Variants in KIF6 observed in about 807,000 individuals in gnomAD.
The protein encoded by KIF6 is kinesin-like protein KIF6.
A neutral mutation model predicts 112.7 loss-of-function variants in KIF6; 106 were observed. That is an observed-to-expected ratio of 0.94 (90% CI 0.80 to 1.11). The LOEUF (loss-of-function observed/expected upper bound fraction) is 1.11. KIF6 is among the 50% of genes least tolerant of loss of function. KIF6 has a pLI of 0.00. For synonymous variants in KIF6, 339 were observed against 339.9 expected, an observed-to-expected ratio of 1.00 and a Z score of 0.03; for missense variants, 929 against 964.0, an observed-to-expected ratio of 0.96 and a Z score of 0.48.
intron 10 of KIF6, among the ~76,000 whole-genome samples, chr6:39,549,410 A>C (rs1779247379): frequency 6.6e-6 from 1 of 152,226 alleles, no homozygotes; most frequent in Non-Finnish European, 1.5e-5. Flanking sequence ...ACAACCCATG[A>C]GAAAAGTGCT....
intron 13 of KIF6, among the ~76,000 whole-genome samples, chr6:39,502,699 T>C (rs1452538808): frequency 6.6e-6 from 1 of 152,196 alleles, no homozygotes; most frequent in Non-Finnish European, 1.5e-5. Context: ...GCAATCATTG[T>C]TTCTTACAAG....
chr6:39,489,149 T>C (rs1049116563), intron 13 of KIF6, among the ~76,000 whole-genome samples: 2 of 152,350 alleles, frequency 1.3e-5, no homozygotes, highest in Admixed American at 6.5e-5. Context: ...CTTTAAGCTA[T>C]CTTCTACTTT....
In KIF6 at chr6:39,465,090, C is replaced by A. The variant is rs1022635946; in HGVS notation, c.1646-33929G>T. On this transcript the variant is annotated intron_variant, in intron 13 of 22. Transcript: ENST00000287152. ...TTTATGGCACCACCAGATGTCCGTGCGTTTCTCATTTCCAGAATAGGGCAT... is the reference window on the plus strand; with the variant it reads ...TTTATGGCACCACCAGATGTCCGTGAGTTTCTCATTTCCAGAATAGGGCAT... Among the ~76,000 whole-genome samples the A allele has an allele frequency of 3.3e-5, 5 of 152,172 alleles. No individual in the cohort carries two copies. In the South Asian group the frequency reaches 8.3e-4, roughly 25 times the overall value.
At chr6:39,398,895 A>G (rs1160122580) in intron 15 of KIF6, among the ~76,000 whole-genome samples, 1 of 152,200 alleles carries the variant, frequency 6.6e-6, no homozygotes, top group African/African-American at 2.4e-5. Flanking sequence ...GGTTGCTTTT[A>G]GATGTGGTTA....
At chr6:39,619,048 C>T (rs971958223) in intron 5 of KIF6, among the ~76,000 whole-genome samples, 2 of 152,046 alleles carry the variant, frequency 1.3e-5, no homozygotes, top group East Asian at 3.9e-4. Context: ...ACAGAGTTTC[C>T]TTTTTCTGTT....
chr6:39,596,903 T>C (rs900356547), intron 6 of KIF6, among the ~76,000 whole-genome samples: 1 of 152,108 alleles, frequency 6.6e-6, no homozygotes, highest in Non-Finnish European at 1.5e-5. Context: ...GATGAATATA[T>C]AAAATCAATG....
At chr6:39,659,282 A>G (rs776367285) in intron 3 of KIF6, among the ~76,000 whole-genome samples, 2 of 152,188 alleles carry the variant, frequency 1.3e-5, no homozygotes, top group Admixed American at 6.5e-5. Flanking sequence ...ACATATAGAA[A>G]ATATATGTCC....
chr6:39,481,653 C>G (rs1419532520), intron 13 of KIF6, among the ~76,000 whole-genome samples: 1 of 152,168 alleles, frequency 6.6e-6, no homozygotes, highest in African/African-American at 2.4e-5. Flanking sequence ...ACTTCTAGGG[C>G]TCCCCACAAA....
At chr6:39,575,767 A>G (rs1780930882) in intron 10 of KIF6, among the ~76,000 whole-genome samples, 1 of 152,116 alleles carries the variant, frequency 6.6e-6, no homozygotes, top group Admixed American at 6.5e-5. Flanking sequence ...CCAAATGCTC[A>G]TTGGCTGTTC....
chr6:39,482,724 C>A (rs192644263), intron 13 of KIF6, among the ~76,000 whole-genome samples: 6 of 152,334 alleles, frequency 3.9e-5, no homozygotes, highest in Middle Eastern at 3.4e-3. Flanking sequence ...TCCCTCCCAT[C>A]CATTGGTAAG....
intron 16 of KIF6, among the ~76,000 whole-genome samples, chr6:39,363,696 C>A (rs1347022212): frequency 1.3e-5 from 2 of 152,212 alleles, no homozygotes; most frequent in Non-Finnish European, 2.9e-5. Context: ...TGCTTCCAGA[C>A]ATGCTCAGAC....
intron 15 of KIF6, among the ~76,000 whole-genome samples, chr6:39,400,497 C>G (rs190076039): frequency 1.6e-4 from 24 of 152,330 alleles, no homozygotes; most frequent in Admixed American, 1.6e-3. Flanking sequence ...CCAAAACAAA[C>G]ACACCTGAGC....
intron 9 of KIF6, among the ~76,000 whole-genome samples, chr6:39,580,953 C>A (rs1781253067): frequency 6.6e-6 from 1 of 151,894 alleles, no homozygotes; most frequent in African/African-American, 2.4e-5. Flanking sequence ...TTTGAATTCC[C>A]AAAATAAACC....
At chr6:39,574,726 A>G in intron 10 of KIF6, among the ~76,000 whole-genome samples, 1 of 152,140 alleles carries the variant, frequency 6.6e-6, no homozygotes, top group Non-Finnish European at 1.5e-5. Context: ...TTTCTTAACT[A>G]TTGGCTCCTC....
intron 13 of KIF6, among the ~76,000 whole-genome samples, chr6:39,521,735 A>T (rs995887124): frequency 6.6e-6 from 1 of 152,106 alleles, no homozygotes; most frequent in South Asian, 2.1e-4. Flanking sequence ...CTCCACCCCC[A>T]TTCTACCACA....
At chr6:39,346,091 CCCT>C (rs1562112962) in intron 20 of KIF6, among the ~76,000 whole-genome samples, 2 of 2,200 alleles carry the variant, frequency 9.1e-4, no homozygotes, top group African/African-American at 4.0e-3. Flanking sequence ...TCTCTCCCCC[CCCT>C]CTCCCTCCCC....
chr6:39,499,326 C>G (rs1775971794), intron 13 of KIF6, among the ~76,000 whole-genome samples: 1 of 151,430 alleles, frequency 6.6e-6, no homozygotes, highest in African/African-American at 2.4e-5. Context: ...AGCAGTTGGC[C>G]AGATTTTTTT....
At chr6:39,680,508 A>G (rs980021449) in intron 3 of KIF6, among the ~76,000 whole-genome samples, 3 of 152,206 alleles carry the variant, frequency 2.0e-5, no homozygotes, top group African/African-American at 7.2e-5. Flanking sequence ...TCACTAATGC[A>G]TATATGAAAC....
chr6:39,474,881 G>A (rs1426807158), intron 13 of KIF6, among the ~76,000 whole-genome samples: 26 of 152,244 alleles, frequency 1.7e-4, no homozygotes, highest in Admixed American at 1.4e-3. Flanking sequence ...CAGGGTGGTC[G>A]TCCAGACATA....
Sources: gnomAD v4.1 joint callset for allele counts (sites outside exome capture counted in the v4.1 genomes callset) on GRCh38, gnomAD v4.1.1 for gene constraint, MANE v1.5 for transcripts, NCBI Gene and HGNC (gene_info 2026-07-23, HGNC 2026-07-21) for gene names.